Variants in AP3S2 observed in about 807,000 individuals in gnomAD.
AP3S2 encodes the protein adaptor related protein complex 3 subunit sigma 2.
Under a neutral mutation model 23.4 loss-of-function variants are expected in AP3S2, and 22 were observed. That is an observed-to-expected ratio of 0.94 (90% CI 0.67 to 1.34). The LOEUF is 1.34. AP3S2 is among the 40% of genes most tolerant of loss of function. The pLI, the probability that AP3S2 is intolerant of heterozygous loss-of-function variation, is 0.00. For missense variants in AP3S2, 241 were observed against 236.9 expected, an observed-to-expected ratio of 1.02 and a Z score of -0.11; for synonymous variants, 86 against 87.1, an observed-to-expected ratio of 0.99 and a Z score of 0.07.
intron 4 of AP3S2, 101 bp from the exon 5 acceptor site, chr15:89,837,823 A>T (rs978439488): frequency 5.1e-6 from 7 of 1,373,946 alleles, no homozygotes; most frequent in Non-Finnish European, 7.0e-6. Context: ...GTCAGATATG[A>T]CCTGTCCTGA....
chr15:89,878,221 G>GAA, intron 3 of AP3S2: 110 of 527,740 alleles, frequency 2.1e-4, no homozygotes, highest in South Asian at 4.5e-4. Context: ...TTCTCCAAAG[G>GAA]AAAAAAAAAA....
intron 3 of AP3S2, among the ~76,000 whole-genome samples, chr15:89,878,891 C>T (rs1387747300): frequency 6.6e-6 from 1 of 152,196 alleles, no homozygotes; most frequent in Non-Finnish European, 1.5e-5. Context: ...GGATTACAGA[C>T]GTCCCGCACA....
At chr15:89,868,391 G>GA (rs1178375970) in intron 4 of AP3S2, among the ~76,000 whole-genome samples, 1 of 72,782 alleles carries the variant, frequency 1.4e-5, no homozygotes, top group African/African-American at 5.3e-5. Context: ...GAGGGAGGTG[G>GA]GGGGGTCAGC....
intron 4 of AP3S2, among the ~76,000 whole-genome samples, chr15:89,838,985 C>A (rs1353373025): frequency 6.6e-6 from 1 of 152,184 alleles, no homozygotes; most frequent in Non-Finnish European, 1.5e-5. Context: ...GTACTAGTGA[C>A]ATCTGGGACC....
rs1379930424 is a variant in AP3S2, at chr15:89,839,168, C to T, written c.346-1446G>A. On this transcript the variant is annotated intron_variant, in intron 4 of 5. Coordinates refer to ENST00000336418, the MANE Select transcript of AP3S2 (RefSeq NM_005829.5). ...TGGTCCAGAGTCTAGAGTCAACCACCAGTTTACTCTGTCAGCAATGCAGAG... is the reference window on the plus strand; with the variant it reads ...TGGTCCAGAGTCTAGAGTCAACCACTAGTTTACTCTGTCAGCAATGCAGAG... Among the ~76,000 whole-genome samples the T allele has an allele frequency of 3.3e-5, 5 of 152,194 alleles. No homozygotes were observed. The East Asian group carries it at 5.8e-4, about 18-fold the overall frequency.
At chr15:89,871,578 G>A (rs1488964333) in intron 3 of AP3S2, 32 bp from the exon 4 acceptor site, 4 of 1,606,778 alleles carry the variant, frequency 2.5e-6, no homozygotes, top group East Asian at 4.5e-5. Flanking sequence ...ATAAAGAAGA[G>A]AAATAGGAAC....
intron 4 of AP3S2, among the ~76,000 whole-genome samples, chr15:89,843,560 G>A (rs527476778): frequency 1.3e-5 from 2 of 152,082 alleles, no homozygotes; most frequent in South Asian, 2.1e-4. Flanking sequence ...GCTTGAACCC[G>A]GGAGGTGGAG....
At chr15:89,893,236 C>T (rs28755971) in intron 1 of AP3S2, 7,419 of 152,768 alleles carry the variant, frequency 0.049, 478 homozygotes, top group African/African-American at 0.15. Flanking sequence ...ATATAATCTT[C>T]GAAGACAGGA....
At chr15:89,873,665 T>G (rs1896372971) in intron 3 of AP3S2, among the ~76,000 whole-genome samples, 1 of 152,168 alleles carries the variant, frequency 6.6e-6, no homozygotes, top group Non-Finnish European at 1.5e-5. Context: ...GATTTTCTAA[T>G]ACTTCAGTTG....
intron 3 of AP3S2, among the ~76,000 whole-genome samples, chr15:89,883,457 A>G (rs8027198): frequency 0.76 from 115,548 of 151,558 alleles, 44,120 homozygotes; most frequent in East Asian, 0.81. Flanking sequence ...GTGTAGTGGC[A>G]TGAATATGGC....
intron 3 of AP3S2, 112 bp from the exon 4 acceptor site, chr15:89,871,658 T>C: frequency 8.9e-7 from 1 of 1,129,322 alleles, no homozygotes; most frequent in South Asian, 1.6e-5. Context: ...TACTTTATGA[T>C]AAATCTCAAA....
In AP3S2 at chr15:89,834,819, G is replaced by T; in HGVS notation, c.*696C>A. On this transcript the variant is annotated 3_prime_UTR_variant, in exon 6 of 6. Transcript: ENST00000336418. ...GGAGGCTGAGACAGGAGAAATGCTT[G>T]AACCCGGGAAGCAGAGGTTGCAGTG... 1 of 152,056 alleles carries T rather than the reference G, an allele frequency of 6.6e-6. No homozygotes were observed. Among genetic ancestry groups the T allele is most frequent in the African/African-American group, 2.4e-5 (1 of 41,420 alleles). The allele number at this position is 152,056 out of a possible 1,614,324, so 9.4% of individuals were successfully genotyped here. A position where few individuals can be genotyped will look rare whatever the true frequency, so the allele number is the denominator to read the frequency against.
intron 4 of AP3S2, among the ~76,000 whole-genome samples, chr15:89,843,772 C>T (rs1475875628): frequency 6.6e-6 from 1 of 152,166 alleles, no homozygotes; most frequent in Non-Finnish European, 1.5e-5. Flanking sequence ...CGTGCCACTG[C>T]ACTCCAGCCT....
chr15:89,839,117 G>A (rs531149764), intron 4 of AP3S2, among the ~76,000 whole-genome samples: 2 of 152,308 alleles, frequency 1.3e-5, no homozygotes, highest in East Asian at 3.9e-4. Context: ...GTTCCAGGGG[G>A]CAAATTCACC....
intron 4 of AP3S2, among the ~76,000 whole-genome samples, chr15:89,866,169 G>T (rs1464409300): frequency 6.7e-6 from 1 of 148,494 alleles, no homozygotes. Flanking sequence ...GGCTGAGACA[G>T]GAGAATCACT....
At chr15:89,846,257 G>C (rs1164114462) in intron 4 of AP3S2, among the ~76,000 whole-genome samples, 1 of 152,168 alleles carries the variant, frequency 6.6e-6, no homozygotes, top group African/African-American at 2.4e-5. Flanking sequence ...TCAAGAGTAG[G>C]AATGAGTACT....
chr15:89,842,029 C>T (rs74883704), intron 4 of AP3S2, among the ~76,000 whole-genome samples: 1 of 151,902 alleles, frequency 6.6e-6, no homozygotes, highest in African/African-American at 2.4e-5. Context: ...AGCAGAAATA[C>T]AAGAACTTTA....
intron 4 of AP3S2, among the ~76,000 whole-genome samples, chr15:89,866,665 A>G (rs1388831091): frequency 6.6e-6 from 1 of 151,854 alleles, no homozygotes; most frequent in Non-Finnish European, 1.5e-5. Context: ...TTGCATTTTT[A>G]GTAGAGACGG....
intron 4 of AP3S2, among the ~76,000 whole-genome samples, chr15:89,842,938 T>A (rs185973448): frequency 1.0e-3 from 156 of 152,000 alleles, no homozygotes; most frequent in African/African-American, 3.6e-3. Flanking sequence ...CCCAGTCAAC[T>A]GTCCAGCAAG....
Sources: gnomAD v4.1 joint callset for allele counts (sites outside exome capture counted in the v4.1 genomes callset) on GRCh38, gnomAD v4.1.1 for gene constraint, MANE v1.5 for transcripts, NCBI Gene and HGNC (gene_info 2026-07-23, HGNC 2026-07-21) for gene names.